Variants in ZNF407 observed in about 807,000 individuals in gnomAD.
ZNF407 encodes zinc finger protein 407.
ZNF407 carries 17 observed loss-of-function variants against 131.2 expected under a neutral mutation model. The observed-to-expected ratio is 0.13, with a 90% CI of 0.09 to 0.19. The LOEUF (loss-of-function observed/expected upper bound fraction) is 0.19. Among genes scored for constraint, ZNF407 ranks in the 10% least tolerant of loss-of-function variants. ZNF407 has a pLI of 1.00. For missense variants in ZNF407, 2,681 were observed against 2,830.6 expected, an observed-to-expected ratio of 0.95 and a Z score of 1.20; for synonymous variants, 1,156 against 1,062.0, an observed-to-expected ratio of 1.09 and a Z score of -1.72.
At chr18:74,966,778 T>C (rs867977740) in intron 8 of ZNF407, among the ~76,000 whole-genome samples, 19 of 152,214 alleles carry the variant, frequency 1.2e-4, no homozygotes, top group African/African-American at 4.3e-4. Context: ...ATATTGATTT[T>C]TCCAATCCAT....
chr18:74,810,800 G>A (rs1022902225), intron 4 of ZNF407, among the ~76,000 whole-genome samples: 1 of 152,122 alleles, frequency 6.6e-6, no homozygotes, highest in Non-Finnish European at 1.5e-5. Context: ...CTAGCCATAT[G>A]TAGAAAGCTG....
chr18:74,711,252 C>G (rs1418597277), intron 3 of ZNF407, among the ~76,000 whole-genome samples: 1 of 152,194 alleles, frequency 6.6e-6, no homozygotes, highest in Non-Finnish European at 1.5e-5. Flanking sequence ...CAAAGAGTGT[C>G]CATGTCCTCA....
At chr18:75,010,455 AAAT>A (rs1972960680) in intron 8 of ZNF407, among the ~76,000 whole-genome samples, 1 of 152,166 alleles carries the variant, frequency 6.6e-6, no homozygotes, top group African/African-American at 2.4e-5. Flanking sequence ...TGTGTCACCA[AAAT>A]AATAAGTGGG....
At chr18:74,759,512 C>T (rs531164548) in intron 3 of ZNF407, among the ~76,000 whole-genome samples, 80 of 151,326 alleles carry the variant, frequency 5.3e-4, no homozygotes, top group African/African-American at 1.9e-3. Flanking sequence ...GGTCATTTTT[C>T]CTCTTCCCCC....
intron 8 of ZNF407, among the ~76,000 whole-genome samples, chr18:75,057,478 GT>G (rs998679951): frequency 6.6e-5 from 10 of 151,724 alleles, no homozygotes; most frequent in Non-Finnish European, 1.3e-4. Context: ...TTTATTACAA[GT>G]TTTTTTTTAA....
At chr18:74,698,385 C>T (rs1967410540) in intron 3 of ZNF407, among the ~76,000 whole-genome samples, 1 of 152,174 alleles carries the variant, frequency 6.6e-6, no homozygotes, top group Admixed American at 6.5e-5. Context: ...TTGTCTCTCA[C>T]CTGATGGTTC....
intron 4 of ZNF407, among the ~76,000 whole-genome samples, chr18:74,845,772 T>G (rs1383696089): frequency 6.6e-6 from 1 of 152,212 alleles, no homozygotes; most frequent in Non-Finnish European, 1.5e-5. Flanking sequence ...AGAGTGCTTT[T>G]ACAAAAATGT....
intron 8 of ZNF407, among the ~76,000 whole-genome samples, chr18:75,012,301 T>TAGCA (rs1568300448): frequency 4.4e-5 from 5 of 112,474 alleles, no homozygotes; most frequent in Admixed American, 1.1e-4. Flanking sequence ...ACATAGTGTA[T>TAGCA]GTACACATAG....
At chr18:74,614,164 AG>A (rs1377407529) in intron 1 of ZNF407, among the ~76,000 whole-genome samples, 2 of 152,244 alleles carry the variant, frequency 1.3e-5, no homozygotes, top group African/African-American at 4.8e-5. Context: ...GTTACTACTA[AG>A]GTAGTAATGT....
rs1234883275 is a variant in ZNF407, at chr18:74,632,323, C to T, written c.1304C>T (p.Thr435Ile). The T allele has an allele frequency of 6.2e-7, 1 of 1,613,946 alleles. No individual in the cohort carries two copies. Among genetic ancestry groups the T allele is most frequent in the Non-Finnish European group, 8.5e-7 (1 of 1,179,900 alleles). Residue 435 changes from threonine (T) to isoleucine (I), a missense_variant, in exon 2 of 9, where the codon ACC becomes ATC. Around this residue, in one of 6 missense-constraint regions of ZNF407, gnomAD observed 1,789 missense variants for 1,748.7 expected, o/e 1.02. Coordinates refer to ENST00000299687, the MANE Select transcript of ZNF407 (RefSeq NM_017757.3). ...NSFRRRSSTF[T>I]LKGQAKKRFN... ...TTTCGTCGACGAAGCAGCACTTTCA[C>T]CTTGAAGGGCCAGGCAAAGAAAAGG...
chr18:74,835,623 GA>G (rs1451028618), intron 4 of ZNF407, among the ~76,000 whole-genome samples: 2 of 68,486 alleles, frequency 2.9e-5, no homozygotes, highest in African/African-American at 1.2e-4. Flanking sequence ...GTCTTGGACA[GA>G]GGGGGGTGTG....
At chr18:74,605,344 G>C (rs1181186673) in intron 1 of ZNF407, among the ~76,000 whole-genome samples, 1 of 152,110 alleles carries the variant, frequency 6.6e-6, no homozygotes, top group African/African-American at 2.4e-5. Context: ...TCATCTCTCT[G>C]AGCCTCAGTA....
At chr18:74,772,918 T>C (rs1599141697) in intron 3 of ZNF407, among the ~76,000 whole-genome samples, 1 of 152,272 alleles carries the variant, frequency 6.6e-6, no homozygotes, top group East Asian at 1.9e-4. Flanking sequence ...AAACAATTGA[T>C]GATGTATGAA....
intron 3 of ZNF407, among the ~76,000 whole-genome samples, chr18:74,727,291 AAGGAGT>A (rs200791091): frequency 6.8e-6 from 1 of 146,254 alleles, no homozygotes; most frequent in Non-Finnish European, 1.6e-5. Flanking sequence ...GAAGAGAGTG[AAGGAGT>A]AGGAAGAGAG....
chr18:75,037,384 G>T (rs1399070761), intron 8 of ZNF407, among the ~76,000 whole-genome samples: 1 of 151,804 alleles, frequency 6.6e-6, no homozygotes, highest in East Asian at 1.9e-4. Context: ...CCCCTTTTTG[G>T]TAGCAAAGAT....
chr18:74,675,837 A>G (rs1352408278), intron 3 of ZNF407, among the ~76,000 whole-genome samples: 3 of 152,168 alleles, frequency 2.0e-5, no homozygotes, highest in Non-Finnish European at 2.9e-5. Context: ...CCCAGTGACT[A>G]CACCATTGTT....
chr18:74,752,349 C>G (rs1303423502), intron 3 of ZNF407, among the ~76,000 whole-genome samples: 1 of 152,124 alleles, frequency 6.6e-6, no homozygotes, highest in Admixed American at 6.5e-5. Context: ...GTGGTAGTTT[C>G]TTTTGCTGTG....
chr18:74,935,176 C>T (rs1264776316), intron 8 of ZNF407, among the ~76,000 whole-genome samples: 4 of 152,242 alleles, frequency 2.6e-5, no homozygotes, highest in Admixed American at 6.5e-5. Context: ...TGAAAATGCT[C>T]AGATAGTTCT....
At chr18:75,009,267 G>T (rs1284636100) in intron 8 of ZNF407, among the ~76,000 whole-genome samples, 1 of 152,074 alleles carries the variant, frequency 6.6e-6, no homozygotes, top group African/African-American at 2.4e-5. Flanking sequence ...CTTCTTATTG[G>T]TATATAGGAA....
Sources: allele counts gnomAD v4.1 joint callset (sites outside exome capture counted in the v4.1 genomes callset), GRCh38; gene constraint gnomAD v4.1.1; regional missense constraint gnomAD v4.1.1; transcripts MANE v1.5; gene names NCBI Gene and HGNC (gene_info 2026-07-23, HGNC 2026-07-21).